The following NEXMIF variants were observed in gnomAD, a reference collection of about 807,000 sequenced individuals.
NEXMIF encodes XLMR protein related to neurite extension.
Under a neutral mutation model 62.1 loss-of-function variants are expected in NEXMIF, and 8 were observed. That is an observed-to-expected ratio of 0.13 (90% CI 0.08 to 0.23). NEXMIF has a LOEUF of 0.23. NEXMIF is among the 10% of genes least tolerant of loss of function. The pLI, the probability that NEXMIF is intolerant of heterozygous loss-of-function variation, is 1.00. For synonymous variants in NEXMIF, 404 were observed against 416.6 expected (o/e 0.97, Z 0.37); for missense variants, 976 against 1,113.3 (o/e 0.88, Z 1.75).
intron 1 of NEXMIF, among the ~76,000 whole-genome samples, chrX:74,825,847 G>C (rs182841384): frequency 3.6e-5 from 4 of 112,327 alleles, no homozygotes; most frequent in African/African-American, 1.3e-4. Context: ...GCCACCACCC[G>C]GCCATGATCT....
intron 1 of NEXMIF, among the ~76,000 whole-genome samples, chrX:74,753,411 C>T: frequency 9.0e-6 from 1 of 111,377 alleles, no homozygotes; most frequent in South Asian, 3.8e-4. Flanking sequence ...ATGTATGTTG[C>T]CTTCTAGTCC....
At position 74,742,737 on chromosome X, in the gene NEXMIF, G is replaced by A. The variant is rs1158443352; in HGVS notation, c.1820C>T (p.Ser607Phe). The change falls in exon 3 of 4, where the codon TCC becomes TTC. Residue 607 changes from serine to phenylalanine, a missense_variant. Around this residue, in one of 5 missense-constraint regions of NEXMIF, gnomAD observed 639 missense variants for 694.5 expected, o/e 0.92. Transcript: ENST00000055682. ...ACCTGGTTCAAAGCTTTGCTTTTGG[G>A]AAAAAGGTGTCTTGATGGAGTCCGT... ...TNTDSIKTPF[S>F]QKQSFEPGSF... 8.3e-7 allele frequency: 1 copy of A among 1,210,550 alleles called. No individual in the cohort carries two copies. Among genetic ancestry groups the A allele is most frequent in the Non-Finnish European group, 1.1e-6 (1 of 894,986 alleles).
intron 1 of NEXMIF, among the ~76,000 whole-genome samples, chrX:74,856,252 G>A (rs978603382): frequency 4.5e-5 from 5 of 112,201 alleles, no homozygotes; most frequent in African/African-American, 1.3e-4. Context: ...AGACAAAGTA[G>A]ACATTCTAGA....
intron 1 of NEXMIF, among the ~76,000 whole-genome samples, chrX:74,900,184 G>A (rs914563989): frequency 2.7e-5 from 3 of 111,222 alleles, no homozygotes; most frequent in Non-Finnish European, 5.7e-5. Context: ...AAAAAACAGG[G>A]CCAGGCGCGG....
At chrX:74,789,450 T>C (rs2080271427) in intron 1 of NEXMIF, among the ~76,000 whole-genome samples, 2 of 110,128 alleles carry the variant, frequency 1.8e-5, no homozygotes, top group South Asian at 8.0e-4. Context: ...TGCATGTGTC[T>C]TTATAGCAGC....
intron 1 of NEXMIF, among the ~76,000 whole-genome samples, chrX:74,884,162 G>A (rs746633513): frequency 3.6e-5 from 4 of 111,844 alleles, no homozygotes; most frequent in Admixed American, 9.5e-5. Flanking sequence ...ACATGGAAAG[G>A]AACAACCAGT....
rs899388030 is a variant in NEXMIF, at chrX:74,870,807, C to A, written c.-48+54076G>T. ...AAGTGGCTTTTATCTAAAAGACAGGCAATAACAAATGCTGGTGAGAATATG... is the reference window on the plus strand; with the variant it reads ...AAGTGGCTTTTATCTAAAAGACAGGAAATAACAAATGCTGGTGAGAATATG... On this transcript the variant is annotated intron_variant, in intron 1 of 3. Coordinates refer to ENST00000055682, the MANE Select transcript of NEXMIF (RefSeq NM_001008537.3). Among the ~76,000 whole-genome samples, 6 of 111,484 alleles carry A rather than the reference C, an allele frequency of 5.4e-5. 1 individual carries two copies. Among genetic ancestry groups the A allele is most frequent in the Admixed American group, 4.8e-4 (5 of 10,477 alleles).
chrX:74,904,716 C>T (rs1204331844), intron 1 of NEXMIF, among the ~76,000 whole-genome samples: 1 of 111,258 alleles, frequency 9.0e-6, no homozygotes, highest in Non-Finnish European at 1.9e-5. Context: ...CCCTCTCTCT[C>T]TCTCCCCACC....
intron 1 of NEXMIF, among the ~76,000 whole-genome samples, chrX:74,906,274 TA>T (rs749030844): frequency 2.9e-3 from 277 of 95,880 alleles, no homozygotes; most frequent in Admixed American, 2.9e-3. Context: ...CCCCATCTCT[TA>T]AAAAAAAAAA....
chrX:74,800,087 ACATACT>A (rs757424887), intron 1 of NEXMIF, among the ~76,000 whole-genome samples: 5 of 111,851 alleles, frequency 4.5e-5, no homozygotes, highest in Non-Finnish European at 9.4e-5. Context: ...AGCAGAATAC[ACATACT>A]CCAAGACAAG....
intron 1 of NEXMIF, among the ~76,000 whole-genome samples, chrX:74,830,224 G>A (rs2080431677): frequency 8.9e-6 from 1 of 111,929 alleles, no homozygotes; most frequent in Admixed American, 9.6e-5. Context: ...TTTCATTTTA[G>A]TATATGGCAA....
chrX:74,838,229 C>T (rs1233464426), intron 1 of NEXMIF, among the ~76,000 whole-genome samples: 12 of 111,346 alleles, frequency 1.1e-4, no homozygotes, highest in Admixed American at 9.6e-4. Context: ...TGTATATGGG[C>T]GAACCTGATC....
At chrX:74,754,630 T>A (rs2080154366) in intron 1 of NEXMIF, among the ~76,000 whole-genome samples, 1 of 111,239 alleles carries the variant, frequency 9.0e-6, no homozygotes, top group Non-Finnish European at 1.9e-5. Context: ...TATATATACA[T>A]ATATAAAATT....
chrX:74,879,118 C>G, intron 1 of NEXMIF, among the ~76,000 whole-genome samples: 1 of 112,213 alleles, frequency 8.9e-6, no homozygotes, highest in East Asian at 2.8e-4. Context: ...GGTTTGTAGC[C>G]TAGGAGCCAT....
chrX:74,878,462 C>A (rs1448670216), intron 1 of NEXMIF, among the ~76,000 whole-genome samples: 1 of 112,664 alleles, frequency 8.9e-6, no homozygotes, highest in African/African-American at 3.2e-5. Flanking sequence ...GCCCTGCCCC[C>A]AGAGGTGGAG....
At chrX:74,857,398 T>C (rs921973538) in intron 1 of NEXMIF, among the ~76,000 whole-genome samples, 10 of 112,063 alleles carry the variant, frequency 8.9e-5, no homozygotes, top group South Asian at 3.7e-4. Flanking sequence ...ACAACATTTC[T>C]AGACACATTC....
intron 1 of NEXMIF, among the ~76,000 whole-genome samples, chrX:74,808,806 G>T (rs912295126): frequency 3.6e-5 from 4 of 111,939 alleles, no homozygotes; most frequent in Non-Finnish European, 7.5e-5. Flanking sequence ...TCTAAATAAA[G>T]ATGATCCCTT....
intron 1 of NEXMIF, among the ~76,000 whole-genome samples, chrX:74,861,935 A>G (rs768226316): frequency 8.9e-6 from 1 of 111,832 alleles, no homozygotes; most frequent in Non-Finnish European, 1.9e-5. Flanking sequence ...CAACTACATC[A>G]ACAAGTCTGC....
At chrX:74,798,348 C>A (rs1186840533) in intron 1 of NEXMIF, among the ~76,000 whole-genome samples, 1 of 112,356 alleles carries the variant, frequency 8.9e-6, no homozygotes, top group Non-Finnish European at 1.9e-5. Context: ...TGTGCTTAAA[C>A]CCAATAGCTG....
Sources: allele counts gnomAD v4.1 joint callset (sites outside exome capture counted in the v4.1 genomes callset), GRCh38; gene constraint gnomAD v4.1.1; regional missense constraint gnomAD v4.1.1; transcripts MANE v1.5; gene names NCBI Gene and HGNC (gene_info 2026-07-23, HGNC 2026-07-21).